FGF13: variants seen among roughly 807,000 people sequenced by gnomAD.
FGF13 encodes the protein fibroblast growth factor 13, also known as fibroblast growth factor homologous factor 2.
A neutral mutation model predicts 19.5 loss-of-function variants in FGF13; 2 were observed. The observed-to-expected ratio is 0.10, with a 90% confidence interval of 0.04 to 0.32. The LOEUF is 0.32. Ranked by LOEUF, FGF13 falls within the 10% of genes least tolerant of loss-of-function variation. FGF13 has a pLI of 1.00. For synonymous variants in FGF13, 72 were observed against 76.9 expected, an observed-to-expected ratio of 0.94 and a Z score of 0.33; for missense variants, 113 against 192.7, an observed-to-expected ratio of 0.59 and a Z score of 2.45.
At chrX:138,977,558 C>A (rs1328387820) in intron 1 of FGF13, among the ~76,000 whole-genome samples, 1 of 112,540 alleles carries the variant, frequency 8.9e-6, no homozygotes. Context: ...TTGGCCTTTG[C>A]ACCATAAGTG....
At chrX:138,824,010 A>G (rs188344375) in intron 3 of FGF13, among the ~76,000 whole-genome samples, 2 of 112,122 alleles carry the variant, frequency 1.8e-5, no homozygotes, top group African/African-American at 6.5e-5. Flanking sequence ...TATATTTTGA[A>G]AGACAGCATA....
intron 1 of FGF13, among the ~76,000 whole-genome samples, chrX:138,998,348 G>T (rs2092053438): frequency 1.8e-5 from 2 of 111,355 alleles, no homozygotes; most frequent in South Asian, 7.6e-4. Flanking sequence ...AACTTGAAAT[G>T]TCCCAATTAA....
intron 3 of FGF13, among the ~76,000 whole-genome samples, chrX:138,781,909 A>C (rs2090646691): frequency 8.9e-6 from 1 of 112,263 alleles, no homozygotes; most frequent in African/African-American, 3.2e-5. Flanking sequence ...AAAACCCTCA[A>C]TAAAATACTG....
intron 3 of FGF13, among the ~76,000 whole-genome samples, chrX:138,832,987 T>C (rs762065995): frequency 1.8e-5 from 2 of 111,876 alleles, no homozygotes; most frequent in South Asian, 7.5e-4. Context: ...TGCAGACTTA[T>C]TACTGGGCTC....
intron 3 of FGF13, among the ~76,000 whole-genome samples, chrX:138,746,501 CA>C (rs1254261459): frequency 9.0e-6 from 1 of 111,610 alleles, no homozygotes; most frequent in Non-Finnish European, 1.9e-5. Flanking sequence ...GAGACTATTT[CA>C]AATAGCTATC....
chrX:139,004,309 G>A (rs1286041929), intron 1 of FGF13, among the ~76,000 whole-genome samples: 10 of 112,935 alleles, frequency 8.9e-5, no homozygotes, highest in South Asian at 7.2e-4. Flanking sequence ...AGGGCCGGCC[G>A]GCTGTTCTGA....
chrX:138,688,414 T>C (rs2089806665), intron 3 of FGF13, among the ~76,000 whole-genome samples: 1 of 111,274 alleles, frequency 9.0e-6, no homozygotes, highest in South Asian at 3.8e-4. Flanking sequence ...GACAGTACAG[T>C]AGGGAGATTA....
chrX:138,911,631 A>C (rs1289200349), intron 1 of FGF13, among the ~76,000 whole-genome samples: 1 of 111,908 alleles, frequency 8.9e-6, no homozygotes, highest in Non-Finnish European at 1.9e-5. Flanking sequence ...TTAAAAAAAA[A>C]CAGTCTATCT....
chrX:138,805,997 G>C, intron 3 of FGF13, among the ~76,000 whole-genome samples: 1 of 111,437 alleles, frequency 9.0e-6, no homozygotes, highest in Admixed American at 9.6e-5. Flanking sequence ...CATGGCACTT[G>C]ACTCAGTATG....
chrX:138,976,477 A>G (rs1464007294), intron 1 of FGF13, among the ~76,000 whole-genome samples: 1 of 111,635 alleles, frequency 9.0e-6, no homozygotes, highest in Non-Finnish European at 1.9e-5. Context: ...GTTCTTGCTT[A>G]TAAGTTAAAA....
At chrX:138,685,214 A>G (rs764722822) in intron 3 of FGF13, among the ~76,000 whole-genome samples, 1 of 111,321 alleles carries the variant, frequency 9.0e-6, no homozygotes, top group African/African-American at 3.3e-5. Context: ...ACAGCAAGAG[A>G]AACTTTCTAA....
chrX:138,771,061 A>G (rs2090541927), intron 3 of FGF13, among the ~76,000 whole-genome samples: 1 of 111,731 alleles, frequency 9.0e-6, no homozygotes, highest in Admixed American at 9.5e-5. Flanking sequence ...AGGTGACATT[A>G]CACCGATGGA....
chrX:139,055,591 C>T (rs1037563498), intron 1 of FGF13, among the ~76,000 whole-genome samples: 3 of 112,239 alleles, frequency 2.7e-5, no homozygotes, highest in Non-Finnish European at 5.6e-5. Context: ...AATCGTCAGT[C>T]CTCTTCAGTT....
chrX:138,928,215 T>C (rs181633643), intron 1 of FGF13, among the ~76,000 whole-genome samples: 1 of 110,812 alleles, frequency 9.0e-6, no homozygotes, highest in East Asian at 2.8e-4. Context: ...CTTTGTAATA[T>C]GCCAAATTTG....
At chrX:138,666,441 A>C (rs1318640190) in intron 3 of FGF13, among the ~76,000 whole-genome samples, 1 of 112,078 alleles carries the variant, frequency 8.9e-6, no homozygotes. Flanking sequence ...GAGGTGCTAG[A>C]AAGAAGCACT....
intron 1 of FGF13, among the ~76,000 whole-genome samples, chrX:138,866,660 A>G (rs750335942): frequency 2.7e-5 from 3 of 110,945 alleles, no homozygotes; most frequent in Non-Finnish European, 5.7e-5. Flanking sequence ...ATAAGATGAG[A>G]TGATAGCTAG....
intron 3 of FGF13, among the ~76,000 whole-genome samples, chrX:138,815,002 T>C (rs1015016230): frequency 2.7e-5 from 3 of 111,526 alleles, no homozygotes; most frequent in African/African-American, 9.8e-5. Context: ...GAAACAATAA[T>C]CAGTGTTAAA....
intron 1 of FGF13, among the ~76,000 whole-genome samples, chrX:139,184,022 G>A (rs1413237194): frequency 1.8e-5 from 2 of 112,090 alleles, no homozygotes; most frequent in East Asian, 5.7e-4. Context: ...GTTCCTGAGA[G>A]GTGCTCATTC....
intron 1 of FGF13, among the ~76,000 whole-genome samples, chrX:138,983,318 G>A (rs1243217798): frequency 9.4e-6 from 1 of 106,252 alleles, no homozygotes; most frequent in Non-Finnish European, 1.9e-5. Context: ...TTATTCTTTT[G>A]CATGTGGCTA....
Sources: allele counts gnomAD v4.1 joint callset (sites outside exome capture counted in the v4.1 genomes callset), GRCh38; gene constraint gnomAD v4.1.1; transcripts MANE v1.5; gene names NCBI Gene and HGNC (gene_info 2026-07-23, HGNC 2026-07-21).